XG: variants seen among roughly 807,000 people sequenced by gnomAD.
The protein encoded by XG is glycoprotein Xg.
In XG, 24 loss-of-function variants were observed where a neutral mutation model predicts 25.7. That is an observed-to-expected ratio of 0.93 (90% CI 0.68 to 1.31). The LOEUF (loss-of-function observed/expected upper bound fraction) is 1.31, where lower values mean the gene tolerates loss of function less well. Among genes scored for constraint, XG ranks in the 40% most tolerant of loss-of-function variants. The pLI is 0.00. For synonymous variants in XG, 77 were observed against 69.2 expected (o/e 1.11, Z -0.56); for missense variants, 181 against 187.6 (o/e 0.96, Z 0.21).
rs899614308 is a variant in XG at position 2,816,211 on chromosome X, C to T, written c.*1831C>T. The T allele has an allele frequency of 8.9e-6, 1 of 112,243 alleles. No individual in the cohort carries two copies. The highest frequency in any genetic ancestry group is 3.2e-5 in the African/African-American group (1 of 30,916). 9.3% of individuals were successfully genotyped at this position (112,243 alleles called of 1,213,427 possible). ...TCTCTTTGAGGGGTCATGAGGACCACCTGCTGGGCATTCTGTTTTCATGCT... is the reference window on the plus strand; with the variant it reads ...TCTCTTTGAGGGGTCATGAGGACCATCTGCTGGGCATTCTGTTTTCATGCT... On this transcript the variant is annotated 3_prime_UTR_variant, in exon 11 of 11. Coordinates refer to ENST00000644266, the MANE Select transcript of XG (RefSeq NM_001141919.2).
At chrX:2,762,605 G>A (rs947122052) in intron 1 of XG, among the ~76,000 whole-genome samples, 10 of 152,122 alleles carry the variant, frequency 6.6e-5, no homozygotes, top group Admixed American at 6.6e-4. Context: ...ACCAATTAGA[G>A]AACAGAATGG....
At chrX:2,775,326 C>G (rs1179945158) in intron 3 of XG, among the ~76,000 whole-genome samples, 1 of 152,164 alleles carries the variant, frequency 6.6e-6, no homozygotes, top group Non-Finnish European at 1.5e-5. Flanking sequence ...AAAATTGCTA[C>G]AAAGTGGTTG....
At position 2,814,736 on chromosome X, in the gene XG, G is replaced by A; in HGVS notation, c.*356G>A. Reference sequence around the variant, plus strand: ...CCATGTTGATGGCACAAAGCGGTGAGCAGTAGGGAGGTAGAATATCTTGGT... The same window carrying A: ...CCATGTTGATGGCACAAAGCGGTGAACAGTAGGGAGGTAGAATATCTTGGT... On this transcript the variant is annotated 3_prime_UTR_variant, in exon 11 of 11. Coordinates refer to ENST00000644266, the MANE Select transcript of XG (RefSeq NM_001141919.2). The A allele has an allele frequency of 6.2e-6, 1 of 160,142 alleles. No individual in the cohort carries two copies. Among genetic ancestry groups the A allele is most frequent in the Admixed American group, 8.0e-5 (1 of 12,433 alleles). 13.2% of individuals were successfully genotyped at this position (160,142 alleles called of 1,213,427 possible). A position where few individuals can be genotyped will look rare whatever the true frequency, so the allele number is the denominator to read the frequency against.
At chrX:2,758,467 C>G (rs2050485395) in intron 1 of XG, among the ~76,000 whole-genome samples, 1 of 152,200 alleles carries the variant, frequency 6.6e-6, no homozygotes, top group Non-Finnish European at 1.5e-5. Flanking sequence ...GTGTGGTTAC[C>G]TTTGCGTGGA....
At chrX:2,803,403 C>T (rs1381549919) in intron 7 of XG, among the ~76,000 whole-genome samples, 7 of 111,398 alleles carry the variant, frequency 6.3e-5, no homozygotes, top group African/African-American at 2.3e-4. Flanking sequence ...TAAACAGGGC[C>T]GATTTATCAA....
chrX:2,767,988 C>G (rs2050737252), intron 1 of XG, among the ~76,000 whole-genome samples: 1 of 152,312 alleles, frequency 6.6e-6, no homozygotes, highest in South Asian at 2.1e-4. Context: ...TGTCATCTCT[C>G]AGGGTCATCC....
chrX:2,765,051 A>AG (rs1370881016), intron 1 of XG, among the ~76,000 whole-genome samples: 1 of 140,598 alleles, frequency 7.1e-6, no homozygotes, highest in Non-Finnish European at 1.5e-5. Flanking sequence ...CAAAAAAAAA[A>AG]AAAAAAAAAA....
intron 2 of XG, among the ~76,000 whole-genome samples, chrX:2,773,485 A>AGGAAGGAAGGAGAGAG (rs2050878087): frequency 7.6e-6 from 1 of 130,934 alleles, no homozygotes; most frequent in African/African-American, 3.2e-5. Context: ...GAGAGAGGGA[A>AGGAAGGAAGGAGAGAG]GGAAGGAAGG....
chrX:2,794,393 T>C (rs1446086758), intron 5 of XG, 142 bp from the exon 6 acceptor site: 9 of 617,611 alleles, frequency 1.5e-5, no homozygotes, highest in Admixed American at 4.1e-5. Context: ...TAATTCCTGG[T>C]GCCTGTGGGC....
chrX:2,812,951 A>T (rs1300368323), intron 10 of XG, among the ~76,000 whole-genome samples: 1 of 111,787 alleles, frequency 8.9e-6, no homozygotes, highest in Non-Finnish European at 1.9e-5. Flanking sequence ...CAAACTCAAT[A>T]ATCAAGGCAA....
intron 5 of XG, among the ~76,000 whole-genome samples, chrX:2,791,616 C>G (rs2086838741): frequency 9.1e-6 from 1 of 109,495 alleles, no homozygotes; most frequent in Admixed American, 1.0e-4. Flanking sequence ...TTGATATGTT[C>G]TTACATGCAA....
chrX:2,760,821 T>C (rs1435733827), intron 1 of XG, among the ~76,000 whole-genome samples: 1 of 148,628 alleles, frequency 6.7e-6, no homozygotes, highest in Non-Finnish European at 1.5e-5. Flanking sequence ...GCAGACCTTA[T>C]AAAAAGACGA....
intron 1 of XG, among the ~76,000 whole-genome samples, chrX:2,759,032 GTATC>G (rs67832381): frequency 0.89 from 135,130 of 151,786 alleles, 60,462 homozygotes; most frequent in Non-Finnish European, 0.92. Flanking sequence ...ATCTATCTAT[GTATC>G]TATCTATCCA....
chrX:2,788,094 GAA>G (rs1249739999), intron 4 of XG, among the ~76,000 whole-genome samples: 10 of 101,963 alleles, frequency 9.8e-5, no homozygotes, highest in African/African-American at 4.2e-4. Context: ...AAGAGAGAGA[GAA>G]AGGGAAAGAG....
chrX:2,774,943 T>C lies in XG; in HGVS notation c.127+204T>C, dbSNP rs1048938013. ...CAGTGAAGCACCACTTCGTCCCCAC[T>C]GAGATGGCTAAAATCTAAAATGGAA... is the stretch of plus-strand genomic sequence containing the variant. On this transcript the variant is annotated intron_variant, in intron 3 of 10. Coordinates refer to ENST00000644266, the MANE Select transcript of XG (RefSeq NM_001141919.2). The C allele has an allele frequency of 1.8e-4, 113 of 638,626 alleles. 1 individual carries two copies. The highest frequency in any genetic ancestry group is 8.1e-4 in the South Asian group (42 of 52,020). 39.6% of individuals were successfully genotyped at this position (638,626 alleles called of 1,614,324 possible).
At chrX:2,778,858 TCTC>T (rs1044528403) in intron 3 of XG, among the ~76,000 whole-genome samples, 2 of 151,524 alleles carry the variant, frequency 1.3e-5, no homozygotes, top group African/African-American at 2.4e-5. Context: ...CCCGCAAACT[TCTC>T]CTCCCGGGTT....
Position 2,814,608 on chromosome X carries a change from T to C in XG, c.*228T>C. The C allele has an allele frequency of 2.5e-6, 1 of 393,049 alleles. No individual in the cohort carries two copies. The highest frequency in any genetic ancestry group is 7.1e-4 in the Middle Eastern group (1 of 1,415). 32.4% of individuals were successfully genotyped at this position (393,049 alleles called of 1,213,427 possible). A position where few individuals can be genotyped will look rare whatever the true frequency, so the allele number is the denominator to read the frequency against. On this transcript the variant is annotated 3_prime_UTR_variant, in exon 11 of 11. Transcript: ENST00000644266. ...TAGACCCTGCGTTCTAAAAAAGGAT[T>C]GCTTGCAATGTTGGTTTGGCTATTC...
At chrX:2,788,691 C>G (rs1315167410) in intron 4 of XG, among the ~76,000 whole-genome samples, 1 of 110,476 alleles carries the variant, frequency 9.1e-6, no homozygotes, top group African/African-American at 3.3e-5. Flanking sequence ...CCCATCTCTA[C>G]TAAAAATACA....
chrX:2,804,557 C>A (rs180895243), intron 7 of XG, among the ~76,000 whole-genome samples: 1 of 111,542 alleles, frequency 9.0e-6, no homozygotes, highest in Non-Finnish European at 1.9e-5. Flanking sequence ...CCCCACACCC[C>A]TACAGCCTAC....
Sources: allele counts gnomAD v4.1 joint callset (sites outside exome capture counted in the v4.1 genomes callset), GRCh38; gene constraint gnomAD v4.1.1; transcripts MANE v1.5; gene names NCBI Gene and HGNC (gene_info 2026-07-23, HGNC 2026-07-21).